The following LARP6 variants were observed in gnomAD, a reference collection of about 807,000 sequenced individuals.
LARP6 encodes the protein La ribonucleoprotein 6, translational regulator.
Under a neutral mutation model 32.8 loss-of-function variants are expected in LARP6, and 18 were observed. The observed-to-expected ratio is 0.55, with a 90% confidence interval of 0.38 to 0.81. The LOEUF (loss-of-function observed/expected upper bound fraction) is 0.81, where lower values mean the gene tolerates loss of function less well. Among genes scored for constraint, LARP6 ranks in the 40% least tolerant of loss-of-function variants. LARP6 has a pLI of 0.00. For synonymous variants in LARP6, 289 were observed against 267.2 expected (o/e 1.08, Z -0.80); for missense variants, 598 against 663.1 (o/e 0.90, Z 1.08).
intron 1 of LARP6, 31 bp from the exon 2 acceptor site, chr15:70,836,536 G>A: frequency 6.3e-7 from 1 of 1,581,548 alleles, no homozygotes; most frequent in South Asian, 1.1e-5. Context: ...CGGGTGTTAG[G>A]GTCAACGTTG....
intron 1 of LARP6, 150 bp from the exon 2 acceptor site, chr15:70,836,655 G>T (rs1215399673): frequency 1.5e-6 from 1 of 658,072 alleles, no homozygotes; most frequent in Non-Finnish European, 2.6e-6. Flanking sequence ...TTAAGATGAG[G>T]TCTTACTGGA....
chr15:70,838,591 C>T (rs2032191037), intron 1 of LARP6, among the ~76,000 whole-genome samples: 3 of 152,182 alleles, frequency 2.0e-5, no homozygotes, highest in African/African-American at 7.2e-5. Context: ...CCTCCTCTCC[C>T]TCTCCCTAAG....
At chr15:70,838,144 G>C (rs545023688) in intron 1 of LARP6, among the ~76,000 whole-genome samples, 13 of 152,126 alleles carry the variant, frequency 8.5e-5, no homozygotes, top group African/African-American at 2.9e-4. Context: ...CGCTCAAAAT[G>C]TTTCTGATTT....
chr15:70,847,683 G>T (rs1264715845), intron 1 of LARP6, among the ~76,000 whole-genome samples: 1 of 152,070 alleles, frequency 6.6e-6, no homozygotes, highest in Non-Finnish European at 1.5e-5. Flanking sequence ...AGAAACAAAA[G>T]GATTTGTAGC....
At chr15:70,845,709 T>C (rs2032333515) in intron 1 of LARP6, among the ~76,000 whole-genome samples, 1 of 152,218 alleles carries the variant, frequency 6.6e-6, no homozygotes, top group Admixed American at 6.5e-5. Flanking sequence ...AAAAGGTACA[T>C]GCTGCTTTTT....
rs1269229197 is a variant in LARP6, at chr15:70,836,477, C to T, written c.229G>A (p.Glu77Lys). 1.2e-5 allele frequency: 19 copies of T among 1,614,052 alleles called. No homozygotes were observed. Among genetic ancestry groups the T allele is most frequent in the Admixed American group, 5.0e-5 (3 of 60,000 alleles). ...CACTCCTGCTCCAGGTCCTCACGCT[C>T]GTTCTCACCTCCACTTGCAGTGGTG... ...SGTTASGGENEREDLEQEWKP... is the reference protein window; with the variant it reads ...SGTTASGGENKREDLEQEWKP... Residue 77 changes from glutamate (E) to lysine (K), a missense_variant, in exon 2 of 3, where the codon GAG becomes AAG. Coordinates refer to ENST00000299213, the MANE Select transcript of LARP6 (RefSeq NM_018357.4).
Position 70,853,957 on chromosome 15 carries a change from C to G in LARP6, c.132G>C (p.Gly44=). The change falls in exon 1 of 3, where the codon GGG becomes GGC. Residue 44 remains glycine, a synonymous_variant. Transcript: ENST00000299213. ...EEEGAETRGA[G]DPARYLSPGW... ...CGGGGCTGAGGTACCGGGCCGGGTC[C>G]CCGGCGCCCCGAGTCTCCGCCCCCT... 1 of 1,454,238 alleles carries G rather than the reference C, an allele frequency of 6.9e-7. No individual in the cohort carries two copies. The highest frequency in any genetic ancestry group is 3.1e-5 in the East Asian group (1 of 32,572). 90.1% of individuals were successfully genotyped at this position (1,454,238 alleles called of 1,614,324 possible).
chr15:70,850,914 C>G (rs1856802027), intron 1 of LARP6, among the ~76,000 whole-genome samples: 1 of 151,790 alleles, frequency 6.6e-6, no homozygotes, highest in Non-Finnish European at 1.5e-5. Context: ...AATAGCAAAG[C>G]ATTAGGGAAA....
chr15:70,853,214 A>ACCCCCCCACCCCCCCCCCC (rs2032527272), intron 1 of LARP6: 1 of 100,848 alleles, frequency 9.9e-6, no homozygotes, highest in Non-Finnish European at 2.1e-5. Flanking sequence ...ACCCAGGAAC[A>ACCCCCCCACCCCCCCCCCC]CCCCCCCCCC....
chr15:70,849,765 G>A (rs2032415735), intron 1 of LARP6: 1 of 152,132 alleles, frequency 6.6e-6, no homozygotes, highest in South Asian at 2.1e-4. Context: ...TGGAGAGAGA[G>A]GAAGAGTATA....
At position 70,829,884 on chromosome 15, in the gene LARP6, G is replaced by A. The variant is rs1287266651; in HGVS notation, c.*2168C>T. On this transcript the variant is annotated 3_prime_UTR_variant, in exon 3 of 3. Coordinates refer to ENST00000299213, the MANE Select transcript of LARP6 (RefSeq NM_018357.4). ...CGAGGGTTAATCTAAAAATAGAGCT[G>A]TGACTTGTGTAACAGGCATAATAGG... 6.6e-6 allele frequency: 1 copy of A among 152,306 alleles called. No individual in the cohort carries two copies. The highest frequency in any genetic ancestry group is 1.5e-5 in the Non-Finnish European group (1 of 68,054). The allele number at this position is 152,306 out of a possible 1,614,324, so 9.4% of individuals were successfully genotyped here.
In LARP6 at chr15:70,832,099, T is replaced by G. The variant is rs1294246831; in HGVS notation, c.1429A>C (p.Asn477His). The G allele has an allele frequency of 6.4e-7, 1 of 1,567,856 alleles. No individual in the cohort carries two copies. Among genetic ancestry groups the G allele is most frequent in the Non-Finnish European group, 8.6e-7 (1 of 1,157,846 alleles). ...GVLRLPRGPD[N>H]TRGFHGHERS... ...TCATGGCCATGAAATCCTCTGGTGT[T>G]GTCAGGACCCCTGGGCAACCTCAGC... The change falls in exon 3 of 3, where the codon AAC becomes CAC. Residue 477 changes from asparagine to histidine, a missense_variant. Physicochemically the swap from Asn to His is moderately conservative, Grantham distance 68 (BLOSUM62 1). This residue lies in a region of LARP6 where 368 missense variants were observed against 397.9 expected (regional missense o/e 0.92). Transcript: ENST00000299213.
intron 1 of LARP6, chr15:70,849,394 AAT>A (rs917553989): frequency 2.4e-4 from 38 of 155,854 alleles, no homozygotes; most frequent in African/African-American, 9.0e-4. Context: ...CAAACAAAAA[AAT>A]ATATATATAT....
At position 70,832,962 on chromosome 15, in the gene LARP6, T is replaced by C; in HGVS notation, c.566A>G (p.Tyr189Cys). Residue 189 changes from tyrosine (Y) to cysteine (C), a missense_variant, in exon 3 of 3, where the codon TAT becomes TGT. Physicochemically the swap from Tyr to Cys is radical, Grantham distance 194 (BLOSUM62 -2). Around this residue, in one of 3 missense-constraint regions of LARP6, gnomAD observed 368 missense variants for 397.9 expected, o/e 0.92. Coordinates refer to ENST00000299213, the MANE Select transcript of LARP6 (RefSeq NM_018357.4). ...ENLPSKMLLV[Y>C]DLYLSPKLWA... ...CAGCTTAGGAGACAAGTAGAGATCATAGACCAGGAGCATCTTGCTGGGGAG... is the reference window on the plus strand; with the variant it reads ...CAGCTTAGGAGACAAGTAGAGATCACAGACCAGGAGCATCTTGCTGGGGAG... 6 of 1,610,154 alleles carry C rather than the reference T, an allele frequency of 3.7e-6. No individual in the cohort carries two copies. Among genetic ancestry groups the C allele is most frequent in the Non-Finnish European group, 5.1e-6 (6 of 1,177,942 alleles).
Position 70,829,570 on chromosome 15 carries a change from G to C in LARP6, c.*2482C>G, listed in dbSNP as rs550662046. ...ATAAGTAGTGACTAATGCCTGCAAA[G>C]CACTTTTCCATTCAGAAAGCACTTG... On this transcript the variant is annotated 3_prime_UTR_variant, in exon 3 of 3. Transcript: ENST00000299213. 2 of 152,332 alleles carry C rather than the reference G, an allele frequency of 1.3e-5. No homozygotes were observed. The highest frequency in any genetic ancestry group is 3.9e-4 in the East Asian group (2 of 5,174). The allele number at this position is 152,332 out of a possible 1,614,324, so 9.4% of individuals were successfully genotyped here.
rs760325270 is a variant in LARP6 at position 70,832,514 on chromosome 15, G to A, written c.1014C>T (p.Ser338=). 1.1e-5 allele frequency: 17 copies of A among 1,542,358 alleles called. No individual in the cohort carries two copies. The highest frequency in any genetic ancestry group is 1.1e-5 in the Non-Finnish European group (13 of 1,148,598). ...TGGGGTTGCTCTCGGGGTCAGAGGA[G>A]CTGTTGGCAGAAGACTCATCACCCA... is the stretch of plus-strand genomic sequence containing the variant. ...QYMGDESSAN[S]SSDPESNPTS... Residue 338 remains serine (S), a synonymous_variant, in exon 3 of 3, where the codon AGC becomes AGT. Transcript: ENST00000299213.
In LARP6 at chr15:70,836,322, G is replaced by T. The variant is rs141487882; in HGVS notation, c.384C>A (p.Ser128Arg). 6.2e-7 allele frequency: 1 copy of T among 1,614,004 alleles called. No homozygotes were observed. The highest frequency in any genetic ancestry group is 8.5e-7 in the Non-Finnish European group (1 of 1,179,888). ...TTTTGAAGGATGTGAGTAGCTTAAC[G>T]CTCACATATCCCAGCTTGTTCCTCC... is the stretch of plus-strand genomic sequence containing the variant. ...HVRRNKLGYVSVKLLTSFKKV... is the reference protein window; with the variant it reads ...HVRRNKLGYVRVKLLTSFKKV... Residue 128 changes from serine (S) to arginine (R), a missense_variant, in exon 2 of 3, where the codon AGC becomes AGA. This residue lies in a region of LARP6 where 69 missense variants were observed against 116.7 expected (regional missense o/e 0.59). Transcript: ENST00000299213.
intron 1 of LARP6, among the ~76,000 whole-genome samples, chr15:70,841,108 T>A (rs1291085280): frequency 6.6e-6 from 1 of 151,634 alleles, no homozygotes; most frequent in East Asian, 1.9e-4. Context: ...AGATACAGGG[T>A]TTCACCGTGT....
chr15:70,847,190 C>T (rs2032363385), intron 1 of LARP6, among the ~76,000 whole-genome samples: 1 of 152,110 alleles, frequency 6.6e-6, no homozygotes, highest in Non-Finnish European at 1.5e-5. Flanking sequence ...CTCTTAGTGG[C>T]CTTTCAAGGA....
Sources: gnomAD v4.1 joint callset for allele counts (sites outside exome capture counted in the v4.1 genomes callset) on GRCh38, gnomAD v4.1.1 for gene constraint, gnomAD v4.1.1 regional missense constraint, MANE v1.5 for transcripts, NCBI Gene and HGNC (gene_info 2026-07-23, HGNC 2026-07-21) for gene names.